Variants in CARMIL1 observed in about 807,000 individuals in gnomAD.
CARMIL1 encodes F-actin-uncapping protein LRRC16A.
In CARMIL1, 90 loss-of-function variants were observed where a neutral mutation model predicts 177.1. The ratio of observed to expected loss-of-function variants is 0.51; its 90% CI spans 0.43 to 0.61. CARMIL1 has a LOEUF of 0.61. Among genes scored for constraint, CARMIL1 ranks in the 20% least tolerant of loss-of-function variants. The probability of loss-of-function intolerance (pLI) is 0.00; values close to 1 mark genes in which losing one functional copy is unlikely to be tolerated. For missense variants in CARMIL1, 1,380 were observed against 1,667.0 expected, an observed-to-expected ratio of 0.83 and a Z score of 3.00; for synonymous variants, 577 against 606.2, an observed-to-expected ratio of 0.95 and a Z score of 0.71.
chr6:25,500,307 A>C, intron 17 of CARMIL1, 72 bp downstream of exon 17: 1 of 1,248,782 alleles, frequency 8.0e-7, no homozygotes, highest in Non-Finnish European at 1.2e-6. Context: ...CCTGGATAAA[A>C]TTTGATACTG....
intron 2 of CARMIL1, among the ~76,000 whole-genome samples, chr6:25,400,044 A>C (rs571493822): frequency 6.6e-6 from 1 of 152,350 alleles, no homozygotes; most frequent in African/African-American, 2.4e-5. Context: ...GAGCTGGTCC[A>C]GGCGTGTCTG....
At chr6:25,514,478 C>T (rs1299659186) in intron 20 of CARMIL1, among the ~76,000 whole-genome samples, 3 of 136,584 alleles carry the variant, frequency 2.2e-5, no homozygotes, top group Admixed American at 8.3e-5. Flanking sequence ...ATCTGGGAGG[C>T]GGAGGTTGCA....
chr6:25,470,047 T>G (rs984777788), intron 9 of CARMIL1, among the ~76,000 whole-genome samples: 77 of 152,232 alleles, frequency 5.1e-4, no homozygotes, highest in African/African-American at 1.8e-3. Flanking sequence ...TGTTGTAATC[T>G]TGTTTAACAT....
At chr6:25,324,354 T>G (rs2876682) in intron 2 of CARMIL1, among the ~76,000 whole-genome samples, 9,188 of 152,072 alleles carry the variant, frequency 0.06, 475 homozygotes, top group East Asian at 0.29. Flanking sequence ...AACAAGTTTT[T>G]TTTTTTTTTT....
At chr6:25,498,230 C>T (rs1803936603) in intron 16 of CARMIL1, among the ~76,000 whole-genome samples, 1 of 152,128 alleles carries the variant, frequency 6.6e-6, no homozygotes. Context: ...ATAACTAGTG[C>T]CACCGATCTG....
chr6:25,492,446 ACTT>A (rs1336963290), intron 15 of CARMIL1, among the ~76,000 whole-genome samples: 4 of 152,342 alleles, frequency 2.6e-5, no homozygotes, highest in Admixed American at 2.6e-4. Flanking sequence ...CAGTCTGACT[ACTT>A]CACTTATACA....
At chr6:25,478,869 A>G (rs752934198) in intron 11 of CARMIL1, among the ~76,000 whole-genome samples, 2 of 151,566 alleles carry the variant, frequency 1.3e-5, no homozygotes, top group African/African-American at 2.4e-5. Flanking sequence ...AATTTTTTCC[A>G]GTATGCCTAT....
At chr6:25,389,614 A>G (rs1479578934) in intron 2 of CARMIL1, among the ~76,000 whole-genome samples, 1 of 152,236 alleles carries the variant, frequency 6.6e-6, no homozygotes, top group Non-Finnish European at 1.5e-5. Context: ...ACTATGAAAC[A>G]TGACTAATGA....
intron 2 of CARMIL1, 42 bp from the exon 3 acceptor site, chr6:25,420,072 C>T (rs1795710087): frequency 6.4e-7 from 1 of 1,554,470 alleles, no homozygotes; most frequent in Non-Finnish European, 8.9e-7. Flanking sequence ...ACTGGCCCCA[C>T]TTTTTGGTGC....
chr6:25,301,794 G>C (rs767832203), intron 2 of CARMIL1, among the ~76,000 whole-genome samples: 67 of 152,218 alleles, frequency 4.4e-4, no homozygotes, highest in Admixed American at 8.5e-4. Flanking sequence ...GATAGAAGCT[G>C]TTACTTTCAG....
At chr6:25,322,765 C>T (rs996544676) in intron 2 of CARMIL1, among the ~76,000 whole-genome samples, 3 of 152,170 alleles carry the variant, frequency 2.0e-5, no homozygotes, top group African/African-American at 2.4e-5. Context: ...CTTACTGTTA[C>T]CCTGTAAGCT....
chr6:25,299,588 C>G (rs1309806294), intron 2 of CARMIL1, among the ~76,000 whole-genome samples: 1 of 152,084 alleles, frequency 6.6e-6, no homozygotes. Flanking sequence ...TGGGGGCTGT[C>G]CTGTGCATGA....
intron 20 of CARMIL1, 83 bp downstream of exon 20, chr6:25,510,845 A>G: frequency 1.3e-6 from 1 of 768,482 alleles, no homozygotes; most frequent in Non-Finnish European, 2.1e-6. Flanking sequence ...TAATGCTGAA[A>G]TACTTTCAGA....
chr6:25,295,757 T>C (rs1039191861), intron 2 of CARMIL1, among the ~76,000 whole-genome samples: 21 of 152,266 alleles, frequency 1.4e-4, no homozygotes, highest in African/African-American at 3.9e-4. Flanking sequence ...GTATGTTTGC[T>C]GGAATGAGAA....
intron 2 of CARMIL1, among the ~76,000 whole-genome samples, chr6:25,407,992 G>A (rs1457157338): frequency 6.6e-6 from 1 of 152,248 alleles, no homozygotes; most frequent in East Asian, 1.9e-4. Context: ...AGCCTCTCTG[G>A]CCCGTGGATC....
intron 2 of CARMIL1, among the ~76,000 whole-genome samples, chr6:25,416,897 G>T (rs551455837): frequency 6.6e-6 from 1 of 152,258 alleles, no homozygotes; most frequent in East Asian, 1.9e-4. Context: ...CAGAGGTTTT[G>T]TGGACCTAAG....
chr6:25,362,089 C>G (rs1256530106), intron 2 of CARMIL1, among the ~76,000 whole-genome samples: 1 of 152,076 alleles, frequency 6.6e-6, no homozygotes, highest in Admixed American at 6.5e-5. Context: ...GGCGGGTTCC[C>G]AGAACCTTTA....
At chr6:25,485,413 TTTATC>T (rs1488968561) in intron 12 of CARMIL1, among the ~76,000 whole-genome samples, 2 of 152,222 alleles carry the variant, frequency 1.3e-5, no homozygotes, top group Admixed American at 1.3e-4. Context: ...TTGAAGAATT[TTTATC>T]TTATTTTATT....
chr6:25,506,631 G>T (rs1804944845), intron 17 of CARMIL1, among the ~76,000 whole-genome samples: 1 of 152,138 alleles, frequency 6.6e-6, no homozygotes. Flanking sequence ...ATCAAATCCT[G>T]CTAGAAAGTA....
Sources: allele counts gnomAD v4.1 joint callset (sites outside exome capture counted in the v4.1 genomes callset), GRCh38; gene constraint gnomAD v4.1.1; transcripts MANE v1.5; gene names NCBI Gene and HGNC (gene_info 2026-07-23, HGNC 2026-07-21).